Variants in GALNT17 observed in about 807,000 individuals in gnomAD.
GALNT17 encodes polypeptide N-acetylgalactosaminyltransferase 17.
GALNT17 carries 29 observed loss-of-function variants against 63.7 expected under a neutral mutation model. That is an observed-to-expected ratio of 0.46 (90% CI 0.34 to 0.62). GALNT17 has a LOEUF of 0.62. Among genes scored for constraint, GALNT17 ranks in the 20% least tolerant of loss-of-function variants. The pLI is 0.01. For missense variants in GALNT17, 603 were observed against 799.6 expected (o/e 0.75, Z 2.97); for synonymous variants, 305 against 318.3 (o/e 0.96, Z 0.45).
intron 6 of GALNT17, among the ~76,000 whole-genome samples, chr7:71,628,824 C>A (rs1790413853): frequency 6.6e-6 from 1 of 151,968 alleles, no homozygotes; most frequent in African/African-American, 2.4e-5. Flanking sequence ...CCCAGCTACT[C>A]AGGAGGCTGA....
chr7:71,530,453 C>T lies in GALNT17; in HGVS notation c.963-40832C>T, dbSNP rs1254461176. 1.3e-5 allele frequency among the ~76,000 whole-genome samples: 2 copies of T among 152,126 alleles called. 1 individual carries two copies. The highest frequency in any genetic ancestry group is 2.9e-5 in the Non-Finnish European group (2 of 68,034). On this transcript the variant is annotated intron_variant, in intron 5 of 10. Transcript: ENST00000333538. Reference sequence around the variant, plus strand: ...ATTCTTAACGTGTAGTCTAGGAACACCTACATCAGCAGCCTGGGAGGGACT... The same window carrying T: ...ATTCTTAACGTGTAGTCTAGGAACATCTACATCAGCAGCCTGGGAGGGACT...
At position 71,161,817 on chromosome 7, in the gene GALNT17, A is replaced by G. The variant is rs538390090; in HGVS notation, c.238+28777A>G. On this transcript the variant is annotated intron_variant, in intron 1 of 10. Transcript: ENST00000333538. ...TGGGCCCTCAACTGTTACATGCACA[A>G]AGAAGGATAATTCTTCTGAGGTGTC... is the stretch of plus-strand genomic sequence containing the variant. Among the ~76,000 whole-genome samples, 68 of 152,198 alleles carry G rather than the reference A, an allele frequency of 4.5e-4. 1 individual carries two copies. The highest frequency in any genetic ancestry group is 1.5e-3 in the African/African-American group (61 of 41,516).
chr7:71,606,501 A>G (rs1356076390), intron 6 of GALNT17, among the ~76,000 whole-genome samples: 1 of 152,094 alleles, frequency 6.6e-6, no homozygotes, highest in Non-Finnish European at 1.5e-5. Context: ...CTGTAATAGC[A>G]TCTGCTCTTC....
chr7:71,361,624 T>C (rs1792403150), intron 2 of GALNT17, among the ~76,000 whole-genome samples: 1 of 152,202 alleles, frequency 6.6e-6, no homozygotes, highest in Admixed American at 6.5e-5. Flanking sequence ...CATATGTGTC[T>C]GGCTATAATA....
At chr7:71,158,714 C>T (rs1478567203) in intron 1 of GALNT17, among the ~76,000 whole-genome samples, 1 of 151,484 alleles carries the variant, frequency 6.6e-6, no homozygotes, top group Non-Finnish European at 1.5e-5. Flanking sequence ...GTAGCTCCGA[C>T]TACAGGCGCC....
Position 71,303,266 on chromosome 7 carries a change from A to G in GALNT17, c.239-32284A>G, listed in dbSNP as rs1261280013. Among the ~76,000 whole-genome samples, 5 of 151,352 alleles carry G rather than the reference A, an allele frequency of 3.3e-5. No homozygotes were observed. The East Asian group carries it at 9.7e-4, about 30-fold the overall frequency. On this transcript the variant is annotated intron_variant, in intron 1 of 10. Transcript: ENST00000333538. ...TGACCTGGGCTCAAGAGATTTTCCC[A>G]CCTCACTCTCCTGAGGAGCAGAGAC... is the stretch of plus-strand genomic sequence containing the variant.
At chr7:71,344,983 G>A (rs79251083) in intron 2 of GALNT17, among the ~76,000 whole-genome samples, 5,894 of 151,652 alleles carry the variant, frequency 0.039, 324 homozygotes, top group African/African-American at 0.11. Flanking sequence ...CTGCTTGTCC[G>A]GCGTTTCCCA....
At chr7:71,216,054 A>ATAC in intron 1 of GALNT17, among the ~76,000 whole-genome samples, 1 of 138,310 alleles carries the variant, frequency 7.2e-6, no homozygotes, top group Admixed American at 7.2e-5. Flanking sequence ...ATAAATAATA[A>ATAC]TAATAATAAT....
At chr7:71,278,678 G>T (rs1413043985) in intron 1 of GALNT17, among the ~76,000 whole-genome samples, 2 of 152,066 alleles carry the variant, frequency 1.3e-5, no homozygotes, top group African/African-American at 4.8e-5. Context: ...TCACGTGGTG[G>T]CAGGAAGGAG....
chr7:71,521,232 T>A lies in GALNT17; in HGVS notation c.963-50053T>A, dbSNP rs987376925. On this transcript the variant is annotated intron_variant, in intron 5 of 10. Coordinates refer to ENST00000333538, the MANE Select transcript of GALNT17 (RefSeq NM_022479.3). The stretch of plus-strand genomic sequence containing the variant: ...GGATGCTCAGATAGATCCCAAATCT[T>A]TTTTTTTTTTTCCCCAAATCAGGTT... Among the ~76,000 whole-genome samples, 491 of 147,982 alleles carry A rather than the reference T, an allele frequency of 3.3e-3. 2 individuals are homozygous for A. Among genetic ancestry groups the A allele is most frequent in the African/African-American group, 0.012 (469 of 40,314 alleles).
intron 1 of GALNT17, among the ~76,000 whole-genome samples, chr7:71,248,127 C>A (rs967791557): frequency 6.6e-6 from 1 of 152,142 alleles, no homozygotes; most frequent in African/African-American, 2.4e-5. Context: ...AGGAAACTTA[C>A]AATCATGGTG....
In GALNT17 at chr7:71,140,802, G is replaced by A. The variant is rs1019262107; in HGVS notation, c.238+7762G>A. 4.1e-5 allele frequency among the ~76,000 whole-genome samples: 6 copies of A among 146,624 alleles called. No individual in the cohort carries two copies. In the Admixed American group the frequency reaches 4.1e-4, roughly 10 times the overall value. ...TTTGGGAGGCTGAGGTGGAAGGATG[G>A]CTTGAGACCAGGAGTTTGAGACTAG... On this transcript the variant is annotated intron_variant, in intron 1 of 10. Coordinates refer to ENST00000333538, the MANE Select transcript of GALNT17 (RefSeq NM_022479.3).
chr7:71,217,140 G>GTTTTTTTTTTTTTTTTTTTT (rs200574411), intron 1 of GALNT17, among the ~76,000 whole-genome samples: 1 of 95,216 alleles, frequency 1.1e-5, no homozygotes. Flanking sequence ...ATTTTTTCGT[G>GTTTTTTTTTTTTTTTTTTTT]TTTTGTTTTT....
intron 6 of GALNT17, among the ~76,000 whole-genome samples, chr7:71,577,480 G>T (rs945476149): frequency 5.3e-5 from 8 of 152,142 alleles, no homozygotes; most frequent in African/African-American, 1.9e-4. Flanking sequence ...ATGGAGGAAA[G>T]GATATAAGAG....
At chr7:71,598,265 T>C (rs1177327453) in intron 6 of GALNT17, among the ~76,000 whole-genome samples, 1 of 152,160 alleles carries the variant, frequency 6.6e-6, no homozygotes, top group East Asian at 1.9e-4. Flanking sequence ...CTTATTATGA[T>C]AGTAGAAGTC....
In GALNT17 at chr7:71,388,294, T is replaced by C. The variant is rs1792986109; in HGVS notation, c.482T>C (p.Val161Ala). 1 of 1,614,064 alleles carries C rather than the reference T, an allele frequency of 6.2e-7. No homozygotes were observed. Among genetic ancestry groups the C allele is most frequent in the Admixed American group, 1.7e-5 (1 of 60,000 alleles). Residue 161 changes from valine (V) to alanine (A), a missense_variant, in exon 3 of 11, where the codon GTG (valine) becomes GCG (alanine). Around this residue, in one of 3 missense-constraint regions of GALNT17, gnomAD observed 195 missense variants for 215.0 expected, o/e 0.91. Transcript: ENST00000333538. The stretch of plus-strand genomic sequence containing the variant: ...CAGATATCCATCATATTCATCTTCG[T>C]GAACGAGGCCCTGTCGGTGATCCTG... The part of the protein sequence containing the change: ...LPQISIIFIF[V>A]NEALSVILRS...
chr7:71,373,439 G>T (rs1349593443), intron 2 of GALNT17, among the ~76,000 whole-genome samples: 1 of 152,140 alleles, frequency 6.6e-6, no homozygotes, highest in Non-Finnish European at 1.5e-5. Context: ...TGTCTGCCAG[G>T]ACCGAGTCTC....
intron 6 of GALNT17, among the ~76,000 whole-genome samples, chr7:71,664,329 G>A (rs539225737): frequency 6.6e-6 from 1 of 152,220 alleles, no homozygotes; most frequent in South Asian, 2.1e-4. Flanking sequence ...GTAGAACTAG[G>A]CTGGGAGTAG....
intron 6 of GALNT17, among the ~76,000 whole-genome samples, chr7:71,657,196 T>A (rs1033472831): frequency 2.0e-5 from 3 of 152,088 alleles, no homozygotes; most frequent in Non-Finnish European, 4.4e-5. Flanking sequence ...CAAAGTGGGG[T>A]ACACAAGATG....
Sources: allele counts gnomAD v4.1 joint callset (sites outside exome capture counted in the v4.1 genomes callset), GRCh38; gene constraint gnomAD v4.1.1; regional missense constraint gnomAD v4.1.1; transcripts MANE v1.5; gene names NCBI Gene and HGNC (gene_info 2026-07-23, HGNC 2026-07-21).